Variants in NIPBL observed in about 807,000 individuals in gnomAD.
The protein encoded by NIPBL is NIPBL cohesin loading factor.
A neutral mutation model predicts 321.8 loss-of-function variants in NIPBL; 19 were observed. That is an observed-to-expected ratio of 0.06 (90% CI 0.04 to 0.09). The LOEUF is 0.09. Among genes scored for constraint, NIPBL ranks in the 10% least tolerant of loss-of-function variants. NIPBL has a pLI of 1.00. For missense variants in NIPBL, 2,210 were observed against 3,327.0 expected (o/e 0.66, Z 8.26); for synonymous variants, 1,106 against 1,114.1 (o/e 0.99, Z 0.14).
intron 44 of NIPBL, among the ~76,000 whole-genome samples, chr5:37,060,095 G>T (rs1754510721): frequency 6.6e-6 from 1 of 152,176 alleles, no homozygotes; most frequent in Admixed American, 6.5e-5. Flanking sequence ...GTTTCCATAA[G>T]CTTGTTGCCA....
chr5:37,048,398 T>A, intron 38 of NIPBL, 104 bp from the exon 39 acceptor site: 1 of 663,164 alleles, frequency 1.5e-6, no homozygotes, highest in Non-Finnish European at 2.2e-6. Flanking sequence ...AAGTTTTAAT[T>A]TTTTGAAATA....
At chr5:36,921,913 G>A (rs1387251615) in intron 1 of NIPBL, among the ~76,000 whole-genome samples, 20 of 147,404 alleles carry the variant, frequency 1.4e-4, no homozygotes, top group African/African-American at 5.1e-4. Context: ...TTGAAACGAA[G>A]TCTTGCTCTG....
chr5:37,006,268 C>A, intron 16 of NIPBL, 89 bp from the exon 17 acceptor site: 1 of 777,522 alleles, frequency 1.3e-6, no homozygotes, highest in Non-Finnish European at 2.2e-6. Context: ...AACACTTTTC[C>A]ACCAGTGAAA....
chr5:37,031,367 G>T (rs2149711066), intron 32 of NIPBL, among the ~76,000 whole-genome samples: 2 of 152,218 alleles, frequency 1.3e-5, no homozygotes, highest in African/African-American at 4.8e-5. Context: ...TTTTCAGTAG[G>T]ATGTGGAAGA....
chr5:37,014,812 A>G (rs1226619081), intron 22 of NIPBL, 47 bp downstream of exon 22: 1 of 1,087,268 alleles, frequency 9.2e-7, no homozygotes, highest in Admixed American at 1.7e-5. Flanking sequence ...CACAGTATAG[A>G]GAATAGTTCA....
intron 1 of NIPBL, among the ~76,000 whole-genome samples, chr5:36,912,456 AGAGT>A (rs1428822418): frequency 6.6e-6 from 1 of 151,830 alleles, no homozygotes; most frequent in Admixed American, 6.6e-5. Flanking sequence ...ATATAGATTC[AGAGT>A]AAGAGTGGCT....
chr5:37,050,628 C>G (rs1239870434), intron 40 of NIPBL, among the ~76,000 whole-genome samples: 1 of 152,008 alleles, frequency 6.6e-6, no homozygotes, highest in African/African-American at 2.4e-5. Context: ...TTTTCTGAAT[C>G]ATTTGGTAGG....
intron 38 of NIPBL, 82 bp downstream of exon 38, chr5:37,046,281 A>G (rs182365636): frequency 1.2e-6 from 1 of 818,890 alleles, no homozygotes; most frequent in Non-Finnish European, 2.1e-6. Context: ...TAAATTGTTG[A>G]TTTACTTTAA....
chr5:37,023,999 T>C (rs1206769396), intron 29 of NIPBL, among the ~76,000 whole-genome samples: 1 of 151,956 alleles, frequency 6.6e-6, no homozygotes, highest in African/African-American at 2.4e-5. Flanking sequence ...ACACTGTTTC[T>C]ACTAAAAATA....
At chr5:36,883,952 G>A (rs1298525263) in intron 1 of NIPBL, among the ~76,000 whole-genome samples, 1 of 151,418 alleles carries the variant, frequency 6.6e-6, no homozygotes, top group Non-Finnish European at 1.5e-5. Context: ...TTCTTCCTAG[G>A]GTTCTGCGTA....
chr5:36,925,732 G>C (rs1330856566), intron 1 of NIPBL, among the ~76,000 whole-genome samples: 1 of 152,138 alleles, frequency 6.6e-6, no homozygotes, highest in Non-Finnish European at 1.5e-5. Context: ...TTGTTAGAAG[G>C]CTGTTTCTTC....
At chr5:36,939,913 T>C (rs1349877236) in intron 1 of NIPBL, among the ~76,000 whole-genome samples, 1 of 152,148 alleles carries the variant, frequency 6.6e-6, no homozygotes, top group Non-Finnish European at 1.5e-5. Context: ...CACTGTTGTA[T>C]TGGGGATTAA....
intron 17 of NIPBL, among the ~76,000 whole-genome samples, chr5:37,006,838 C>G (rs1747491070): frequency 6.6e-6 from 1 of 151,908 alleles, no homozygotes; most frequent in Non-Finnish European, 1.5e-5. Context: ...TCATTTATCA[C>G]TTCGCCCTAA....
In NIPBL at chr5:36,994,874, C is replaced by G. The variant is rs568883687; in HGVS notation, c.3122-748C>G. Among the ~76,000 whole-genome samples, 715 of 97,760 alleles carry G rather than the reference C, an allele frequency of 7.3e-3. 5 individuals carry two copies. The highest frequency in any genetic ancestry group is 1.0e-2 in the Admixed American group (97 of 9,728). The allele number at this position is 97,760 out of a possible 152,430, so 64.1% of individuals were successfully genotyped here. A position where few individuals can be genotyped will look rare whatever the true frequency, so the allele number is the denominator to read the frequency against. On this transcript the variant is annotated intron_variant, in intron 10 of 46. Coordinates refer to ENST00000282516, the MANE Select transcript of NIPBL (RefSeq NM_133433.4). ...TATTGTCTTGTCTTCTTTTTTATTG[C>G]CTTGACTCTTGTGGGAAGATATGAA...
chr5:36,911,710 G>T (rs887813041), intron 1 of NIPBL, among the ~76,000 whole-genome samples: 1 of 152,108 alleles, frequency 6.6e-6, no homozygotes, highest in Non-Finnish European at 1.5e-5. Flanking sequence ...ATTATTAATT[G>T]TGAAGTTTGC....
At chr5:37,045,646 A>G in intron 37 of NIPBL, 49 bp downstream of exon 37, 1 of 1,568,802 alleles carries the variant, frequency 6.4e-7, no homozygotes, top group South Asian at 1.1e-5. Context: ...GCTATATGGC[A>G]CTGTGATCTG....
intron 1 of NIPBL, among the ~76,000 whole-genome samples, chr5:36,939,446 A>G (rs1343829514): frequency 1.3e-5 from 2 of 152,120 alleles, no homozygotes; most frequent in African/African-American, 2.4e-5. Flanking sequence ...AATTTCCTTT[A>G]TATCATCCAA....
chr5:36,972,639 TC>T (rs1270102097), intron 8 of NIPBL, among the ~76,000 whole-genome samples: 1 of 152,292 alleles, frequency 6.6e-6, no homozygotes, highest in Middle Eastern at 3.4e-3. Context: ...AGACAAAACT[TC>T]CTTCATACCT....
At chr5:36,885,295 C>T in intron 1 of NIPBL, 2 of 499,294 alleles carry the variant, frequency 4.0e-6, no homozygotes, top group South Asian at 1.5e-5. Flanking sequence ...GACTGGTCAG[C>T]AGTGCAGCCA....
Sources: allele counts gnomAD v4.1 joint callset (sites outside exome capture counted in the v4.1 genomes callset), GRCh38; gene constraint gnomAD v4.1.1; transcripts MANE v1.5; gene names NCBI Gene and HGNC (gene_info 2026-07-23, HGNC 2026-07-21).